The following PARVB variants were observed in gnomAD, a reference collection of about 807,000 sequenced individuals.
The protein encoded by PARVB is parvin beta.
Under a neutral mutation model 47.0 loss-of-function variants are expected in PARVB, and 46 were observed. The ratio of observed to expected loss-of-function variants is 0.98; its 90% CI spans 0.77 to 1.25. The LOEUF is 1.25. Among genes scored for constraint, PARVB ranks in the 50% most tolerant of loss-of-function variants. The probability of loss-of-function intolerance (pLI) is 0.00; values close to 1 mark genes in which losing one functional copy is unlikely to be tolerated. For synonymous variants in PARVB, 196 were observed against 196.3 expected (o/e 1.00, Z 0.01); for missense variants, 473 against 471.6 (o/e 1.00, Z -0.03).
At position 44,125,810 on chromosome 22, in the gene PARVB, T is replaced by A. The variant is rs2053173770; in HGVS notation, c.377-5677T>A. On this transcript the variant is annotated intron_variant, in intron 4 of 12. Transcript: ENST00000338758. The surrounding 1 kb of genome is among the most constrained non-coding windows in gnomAD (Gnocchi z 4.1). Reference sequence around the variant, plus strand: ...GTCACTTAGGCTTCTGGGTGCAGGATGGATGGGGAGGAGAGTCAGGAGTTG... The same window carrying A: ...GTCACTTAGGCTTCTGGGTGCAGGAAGGATGGGGAGGAGAGTCAGGAGTTG... Among the ~76,000 whole-genome samples the A allele has an allele frequency of 6.6e-6, 1 of 151,998 alleles. No homozygotes were observed. The highest frequency in any genetic ancestry group is 2.4e-5 in the African/African-American group (1 of 41,376).
chr22:44,022,242 G>A (rs2050658583), upstream of PARVB, among the ~76,000 whole-genome samples: 3 of 152,044 alleles, frequency 2.0e-5, no homozygotes, highest in African/African-American at 7.2e-5. Flanking sequence ...CTTTGTGCTG[G>A]CAGCCCCAAG....
rs146957572 is a variant in PARVB at position 44,017,689 on chromosome 22, C to G, written c.211+18016C>G. 5.1e-3 allele frequency among the ~76,000 whole-genome samples: 780 copies of G among 152,314 alleles called. 8 individuals carry two copies. The highest frequency in any genetic ancestry group is 0.018 in the African/African-American group (749 of 41,558). On this transcript the variant is annotated intron_variant, in intron 2 of 13. Transcript: ENST00000406477. ...CTTCAAAAATCCATTATTTCCTGGGCACTCACCAGACCCCCCACAGATGCA... is the reference window on the plus strand; with the variant it reads ...CTTCAAAAATCCATTATTTCCTGGGGACTCACCAGACCCCCCACAGATGCA...
At chr22:44,052,858 CCTTGAG>C (rs1382702948) in intron 1 of PARVB, among the ~76,000 whole-genome samples, 2 of 152,048 alleles carry the variant, frequency 1.3e-5, no homozygotes, top group African/African-American at 2.4e-5. Context: ...TGGGAAGATC[CCTTGAG>C]CTCAGGAGGT....
At chr22:44,040,312 G>C (rs6006482) in intron 1 of PARVB, among the ~76,000 whole-genome samples, 47,791 of 152,118 alleles carry the variant, frequency 0.31, 9,584 homozygotes, top group African/African-American at 0.57. Flanking sequence ...GTTAAAAAAA[G>C]ATGATATGGT....
intron 2 of PARVB, among the ~76,000 whole-genome samples, chr22:44,096,316 G>A (rs2052306638): frequency 6.6e-6 from 1 of 152,278 alleles, no homozygotes; most frequent in Middle Eastern, 3.4e-3. Flanking sequence ...AGGATTGCCT[G>A]AGTCTGAAGA....
chr22:44,033,976 G>C (rs1299996845), intron 1 of PARVB, among the ~76,000 whole-genome samples: 2 of 152,004 alleles, frequency 1.3e-5, no homozygotes, highest in Non-Finnish European at 2.9e-5. Flanking sequence ...TGGATGGAGT[G>C]CCCCTGACAA....
chr22:44,147,673 C>T (rs1428222949), intron 8 of PARVB, 188 bp from the exon 9 acceptor site: 1 of 752,854 alleles, frequency 1.3e-6, no homozygotes, highest in South Asian at 1.4e-5. Flanking sequence ...TCTTGCTCGC[C>T]TTGGTTTGGC....
chr22:44,061,652 C>T (rs144475235), intron 1 of PARVB, among the ~76,000 whole-genome samples: 60 of 151,504 alleles, frequency 4.0e-4, no homozygotes, highest in Non-Finnish European at 8.4e-4. Flanking sequence ...AGTCTCACTG[C>T]GTCACCCAGG....
chr22:44,043,501 C>T (rs950210281), intron 1 of PARVB, among the ~76,000 whole-genome samples: 1 of 152,108 alleles, frequency 6.6e-6, no homozygotes, highest in Non-Finnish European at 1.5e-5. Context: ...CCTTGGCCAC[C>T]CGAGTAGCTG....
At chr22:44,128,231 A>G (rs2053232550) in intron 4 of PARVB, among the ~76,000 whole-genome samples, 1 of 152,086 alleles carries the variant, frequency 6.6e-6, no homozygotes, top group South Asian at 2.1e-4. Flanking sequence ...GTGCTGTGGG[A>G]GCTCCTGGCT....
intron 2 of PARVB, among the ~76,000 whole-genome samples, chr22:44,098,549 G>A (rs2052364183): frequency 6.6e-6 from 1 of 152,114 alleles, no homozygotes; most frequent in African/African-American, 2.4e-5. Flanking sequence ...GAAATGAGGC[G>A]GGAGAGGGGC....
intron 3 of PARVB, chr22:44,116,067 C>T (rs1569128793): frequency 6.6e-6 from 1 of 152,392 alleles, no homozygotes; most frequent in Non-Finnish European, 1.5e-5. Context: ...TTGGCCGTCT[C>T]AGGGTTCCTC....
rs189088582 is a variant in PARVB, at chr22:44,061,842, C to T, written c.113-32086C>T. On this transcript the variant is annotated intron_variant, in intron 1 of 12. Transcript: ENST00000338758. Reference sequence around the variant, plus strand: ...ATATTGGTCAGGCTGGTCTCGAACTCCTGACCTCAGGCGATCCACCCGCTT... The same window carrying T: ...ATATTGGTCAGGCTGGTCTCGAACTTCTGACCTCAGGCGATCCACCCGCTT... Among the ~76,000 whole-genome samples, 607 of 152,174 alleles carry T rather than the reference C, an allele frequency of 4.0e-3. 2 individuals carry two copies. The highest frequency in any genetic ancestry group is 0.024 in the Middle Eastern group (7 of 294).
intron 6 of PARVB, among the ~76,000 whole-genome samples, chr22:44,133,572 T>C (rs553842026): frequency 6.6e-6 from 1 of 152,340 alleles, no homozygotes; most frequent in African/African-American, 2.4e-5. Flanking sequence ...AGGGTTTCAC[T>C]CTGTTGCCCA....
In PARVB at chr22:44,005,405, G is replaced by A. The variant is rs1373192097; in HGVS notation, c.211+5732G>A. On this transcript the variant is annotated intron_variant, in intron 2 of 13. Coordinates refer to the PARVB transcript ENST00000406477. ...TGAGATTACATGTATGAGGTACCAC[G>A]CCTGGCCGTTTTTTTTTTTTTCTTT... is the stretch of plus-strand genomic sequence containing the variant. 7.5e-5 allele frequency among the ~76,000 whole-genome samples: 11 copies of A among 147,002 alleles called. No homozygotes were observed. In the South Asian group the frequency reaches 1.7e-3, roughly 23 times the overall value.
chr22:44,002,610 G>T (rs1365467490), intron 2 of PARVB, among the ~76,000 whole-genome samples: 3 of 152,148 alleles, frequency 2.0e-5, no homozygotes, highest in Non-Finnish European at 2.9e-5. Flanking sequence ...TAGTAGGAGG[G>T]ATGTCTTTCC....
Position 44,172,762 on chromosome 22 carries a change from A to G in PARVB, c.*4084A>G. On this transcript the variant is annotated 3_prime_UTR_variant, in exon 13 of 13. Coordinates refer to ENST00000338758, the MANE Select transcript of PARVB (RefSeq NM_013327.5). ...GATTTCTGGATGTTATATAAAAGCC[A>G]CGAAAACCCTGGCCATGCTGTTTGT... 1 of 301,690 alleles carries G rather than the reference A, an allele frequency of 3.3e-6. No homozygotes were observed. Among genetic ancestry groups the G allele is most frequent in the South Asian group, 2.6e-5 (1 of 38,400 alleles). 18.7% of individuals were successfully genotyped at this position (301,690 alleles called of 1,614,324 possible).
intron 11 of PARVB, among the ~76,000 whole-genome samples, chr22:44,161,351 T>C (rs1213023243): frequency 6.7e-6 from 1 of 149,152 alleles, no homozygotes. Flanking sequence ...TCTCACTCTC[T>C]CACCCAGGCT....
At position 44,068,836 on chromosome 22, in the gene PARVB, G is replaced by C. The variant is rs977702720; in HGVS notation, c.113-25092G>C. Among the ~76,000 whole-genome samples, 1 of 152,208 alleles carries C rather than the reference G, an allele frequency of 6.6e-6. No homozygotes were observed. The highest frequency in any genetic ancestry group is 1.5e-5 in the Non-Finnish European group (1 of 68,040). ...ACGTGCATCTTCAGTCAGCCCAGGGGCCTGGGCGCGCCCTTCCTTCCTTCT... is the reference window on the plus strand; with the variant it reads ...ACGTGCATCTTCAGTCAGCCCAGGGCCCTGGGCGCGCCCTTCCTTCCTTCT... On this transcript the variant is annotated intron_variant, in intron 1 of 12. Coordinates refer to ENST00000338758, the MANE Select transcript of PARVB (RefSeq NM_013327.5). This position sits in a 1 kb window ranked among gnomAD's most constrained non-coding sequence, Gnocchi z 4.1.
Sources: gnomAD v4.1 joint callset for allele counts (sites outside exome capture counted in the v4.1 genomes callset) on GRCh38, gnomAD v4.1.1 for gene constraint, Gnocchi (gnomAD v3.1) non-coding constraint, MANE v1.5 for transcripts, NCBI Gene and HGNC (gene_info 2026-07-23, HGNC 2026-07-21) for gene names.